Variants in FSTL5 observed in about 807,000 individuals in gnomAD.
The protein encoded by FSTL5 is follistatin-related protein 5.
A neutral mutation model predicts 89.1 loss-of-function variants in FSTL5; 62 were observed. The ratio of observed to expected loss-of-function variants is 0.70; its 90% CI spans 0.57 to 0.86. The LOEUF is 0.86. Ranked by LOEUF, FSTL5 falls within the 40% of genes least tolerant of loss-of-function variation. FSTL5 has a pLI of 0.00. For missense variants in FSTL5, 1,057 were observed against 1,001.6 expected (o/e 1.06, Z -0.75); for synonymous variants, 383 against 346.2 (o/e 1.11, Z -1.18).
intron 4 of FSTL5, among the ~76,000 whole-genome samples, chr4:161,900,662 AGAAAG>A (rs1733333302): frequency 5.8e-5 from 6 of 103,304 alleles, no homozygotes; most frequent in African/African-American, 1.4e-4. Context: ...AAAAAAAGAA[AGAAAG>A]AAAGAAAGAA....
chr4:162,119,254 A>G (rs17041963), intron 1 of FSTL5, among the ~76,000 whole-genome samples: 9,337 of 151,952 alleles, frequency 0.061, 871 homozygotes, highest in African/African-American at 0.19. Context: ...GGTGCACACA[A>G]TGAATCAGAT....
At chr4:161,451,509 G>A (rs560687619) in intron 15 of FSTL5, among the ~76,000 whole-genome samples, 74 of 152,270 alleles carry the variant, frequency 4.9e-4, no homozygotes, top group African/African-American at 1.7e-3. Flanking sequence ...TCCCAGTAGA[G>A]ATTACGAAGT....
intron 6 of FSTL5, among the ~76,000 whole-genome samples, chr4:161,718,576 G>A (rs1364207397): frequency 3.3e-5 from 5 of 151,834 alleles, no homozygotes; most frequent in East Asian, 1.9e-4. Context: ...CTACAGGTGC[G>A]TGCCACCATG....
At chr4:161,599,818 G>T (rs1026125557) in intron 7 of FSTL5, among the ~76,000 whole-genome samples, 2 of 151,890 alleles carry the variant, frequency 1.3e-5, no homozygotes, top group African/African-American at 4.8e-5. Context: ...ATAGCTAACT[G>T]TTATTTATAA....
intron 2 of FSTL5, among the ~76,000 whole-genome samples, chr4:162,093,446 A>G (rs909533345): frequency 2.6e-5 from 4 of 152,198 alleles, no homozygotes; most frequent in Non-Finnish European, 5.9e-5. Context: ...ATGTTTCCAC[A>G]GTAAAATATC....
At chr4:162,037,048 G>A (rs1358180765) in intron 2 of FSTL5, among the ~76,000 whole-genome samples, 1 of 151,724 alleles carries the variant, frequency 6.6e-6, no homozygotes. Context: ...GTTTAGTTTT[G>A]TAATATTACA....
chr4:161,886,009 C>T (rs963380251), intron 4 of FSTL5, among the ~76,000 whole-genome samples: 1 of 132,432 alleles, frequency 7.6e-6, no homozygotes, highest in African/African-American at 2.7e-5. Flanking sequence ...CTTTAATCAA[C>T]AAATCATCAA....
At chr4:162,012,083 C>T (rs564889923) in intron 3 of FSTL5, among the ~76,000 whole-genome samples, 2 of 152,296 alleles carry the variant, frequency 1.3e-5, no homozygotes, top group East Asian at 3.9e-4. Flanking sequence ...GCGCGTACAG[C>T]TCTAAATCTC....
chr4:161,883,965 GT>G (rs921044602), intron 4 of FSTL5, among the ~76,000 whole-genome samples: 8 of 152,060 alleles, frequency 5.3e-5, no homozygotes, highest in East Asian at 1.9e-4. Flanking sequence ...AATGTATTCA[GT>G]TTTTTTTCTG....
chr4:161,928,900 G>C (rs772169671), intron 3 of FSTL5, among the ~76,000 whole-genome samples: 85 of 151,736 alleles, frequency 5.6e-4, no homozygotes, highest in Non-Finnish European at 8.1e-4. Flanking sequence ...TTATAATTAA[G>C]TCCAACTCAT....
chr4:161,870,343 T>TAC (rs758194551), intron 4 of FSTL5, among the ~76,000 whole-genome samples: 28 of 150,502 alleles, frequency 1.9e-4, no homozygotes, highest in South Asian at 1.1e-3. Flanking sequence ...TGTTCAATCA[T>TAC]ACACACACAC....
chr4:162,121,414 T>A (rs543038304), intron 1 of FSTL5, among the ~76,000 whole-genome samples: 1 of 152,022 alleles, frequency 6.6e-6, no homozygotes, highest in African/African-American at 2.4e-5. Context: ...AATATATTCA[T>A]GATTCAATAG....
At chr4:161,609,702 C>G (rs1012142258) in intron 7 of FSTL5, among the ~76,000 whole-genome samples, 2 of 151,830 alleles carry the variant, frequency 1.3e-5, no homozygotes, top group Non-Finnish European at 1.5e-5. Flanking sequence ...ATTCATGGAT[C>G]AGAGACAAGG....
At chr4:162,003,723 A>C (rs560070545) in intron 3 of FSTL5, among the ~76,000 whole-genome samples, 1 of 152,336 alleles carries the variant, frequency 6.6e-6, no homozygotes, top group African/African-American at 2.4e-5. Context: ...TAGGTGGCAT[A>C]AATGTAATAT....
rs535757471 is a variant in FSTL5 at position 161,715,461 on chromosome 4, CT to C, written c.727+43949del. Among the ~76,000 whole-genome samples, 413 of 152,246 alleles carry C rather than the reference CT, an allele frequency of 2.7e-3. 2 individuals are homozygous for C. Among genetic ancestry groups the C allele is most frequent in the African/African-American group, 9.4e-3 (391 of 41,536 alleles). On this transcript the variant is annotated intron_variant, in intron 6 of 15. Coordinates refer to ENST00000306100, the MANE Select transcript of FSTL5 (RefSeq NM_020116.5). ...TCTCTGTGATCATTTAGCCTATATCCTTTGCTGGGTGCTTTTCATCTTCCTG... is the reference window on the plus strand; with the variant it reads ...TCTCTGTGATCATTTAGCCTATATCCTTGCTGGGTGCTTTTCATCTTCCTG...
intron 3 of FSTL5, among the ~76,000 whole-genome samples, chr4:161,988,018 T>C (rs147898996): frequency 4.5e-4 from 68 of 150,976 alleles, no homozygotes; most frequent in African/African-American, 1.6e-3. Flanking sequence ...CAAAAAAAAA[T>C]ACAAATTTTA....
intron 3 of FSTL5, among the ~76,000 whole-genome samples, chr4:161,936,075 A>C (rs1734424119): frequency 6.6e-6 from 1 of 152,024 alleles, no homozygotes. Context: ...AGCTACTCAA[A>C]AGGCTGAGGC....
intron 6 of FSTL5, among the ~76,000 whole-genome samples, chr4:161,716,286 C>A (rs1738978256): frequency 6.6e-6 from 1 of 152,140 alleles, no homozygotes; most frequent in Non-Finnish European, 1.5e-5. Flanking sequence ...ACAGGCCTTT[C>A]CCAATTCCCC....
At chr4:161,486,165 A>AAAAAT (rs201126683) in intron 12 of FSTL5, among the ~76,000 whole-genome samples, 4 of 147,516 alleles carry the variant, frequency 2.7e-5, no homozygotes, top group African/African-American at 5.0e-5. Context: ...AAAAAAAAAA[A>AAAAAT]GTAAATATCT....
Sources: gnomAD v4.1 joint callset for allele counts (sites outside exome capture counted in the v4.1 genomes callset) on GRCh38, gnomAD v4.1.1 for gene constraint, MANE v1.5 for transcripts, NCBI Gene and HGNC (gene_info 2026-07-23, HGNC 2026-07-21) for gene names.